CDC42EP3: variants seen among roughly 807,000 people sequenced by gnomAD.
The protein encoded by CDC42EP3 is CDC42 effector protein (Rho GTPase binding) 3.
CDC42EP3 carries 4 observed loss-of-function variants against 15.5 expected under a neutral mutation model. That is an observed-to-expected ratio of 0.26 (90% CI 0.13 to 0.59). The LOEUF is 0.59. Among genes scored for constraint, CDC42EP3 ranks in the 20% least tolerant of loss-of-function variants. CDC42EP3 has a pLI of 0.89. For synonymous variants in CDC42EP3, 145 were observed against 130.3 expected (o/e 1.11, Z -0.77); for missense variants, 309 against 311.2 (o/e 0.99, Z 0.05).
rs1666234233 is a variant in CDC42EP3, at chr2:37,665,918, G to C, written c.-236+5508C>G. 2.0e-5 allele frequency among the ~76,000 whole-genome samples: 3 copies of C among 152,280 alleles called. No individual in the cohort carries two copies. The South Asian group carries it at 6.2e-4, about 32-fold the overall frequency. The stretch of plus-strand genomic sequence containing the variant: ...ATCTCTCACCAAATGCTACGTTTTA[G>C]GGATGAGAACAAGAAAACCCCAAGA... On this transcript the variant is annotated intron_variant, in intron 1 of 1. Coordinates refer to ENST00000295324, the MANE Select transcript of CDC42EP3 (RefSeq NM_006449.5).
intron 1 of CDC42EP3, among the ~76,000 whole-genome samples, chr2:37,652,583 C>A (rs1006141690): frequency 1.1e-4 from 17 of 152,060 alleles, no homozygotes; most frequent in African/African-American, 3.4e-4. Context: ...TTCCTGCAAC[C>A]AAGGGTCAAG....
intron 1 of CDC42EP3, among the ~76,000 whole-genome samples, chr2:37,656,666 G>A (rs537908314): frequency 6.6e-6 from 1 of 152,296 alleles, no homozygotes; most frequent in South Asian, 2.1e-4. Flanking sequence ...GAGGAGCTAG[G>A]ATTCCAGCCA....
chr2:37,661,644 T>A (rs1170619393), intron 1 of CDC42EP3, among the ~76,000 whole-genome samples: 2 of 152,134 alleles, frequency 1.3e-5, no homozygotes, highest in Non-Finnish European at 2.9e-5. Context: ...GCTGGCGTTA[T>A]AAACTGGACG....
intron 1 of CDC42EP3, among the ~76,000 whole-genome samples, chr2:37,666,793 G>A (rs981778342): frequency 2.0e-5 from 3 of 148,038 alleles, no homozygotes; most frequent in African/African-American, 7.5e-5. Context: ...ACTTGGCACT[G>A]AAGTATATCA....
rs375635685 is a variant in CDC42EP3, at chr2:37,670,502, A to T, written c.-236+924T>A. ...GCTCACTTTTTTTTTTTTTTTTTTTAAACAAAATGTAATTACTTGACTGTC... is the reference window on the plus strand; with the variant it reads ...GCTCACTTTTTTTTTTTTTTTTTTTTAACAAAATGTAATTACTTGACTGTC... On this transcript the variant is annotated intron_variant, in intron 1 of 1. Transcript: ENST00000295324. Among the ~76,000 whole-genome samples the T allele has an allele frequency of 6.4e-3, 884 of 137,816 alleles. 10 individuals are homozygous for T. Among genetic ancestry groups the T allele is most frequent in the African/African-American group, 0.023 (807 of 35,850 alleles). The allele number at this position is 137,816 out of a possible 152,430, so 90.4% of individuals were successfully genotyped here.
intron 1 of CDC42EP3, among the ~76,000 whole-genome samples, chr2:37,666,427 C>G (rs537889216): frequency 1.4e-4 from 21 of 152,270 alleles, no homozygotes; most frequent in African/African-American, 5.1e-4. Flanking sequence ...TACCTAATTG[C>G]AGGTGTGTGA....
chr2:37,666,104 T>C (rs1666239346), intron 1 of CDC42EP3, among the ~76,000 whole-genome samples: 1 of 152,206 alleles, frequency 6.6e-6, no homozygotes, highest in Non-Finnish European at 1.5e-5. Context: ...ATCGCTCTCT[T>C]CCTGTAACGC....
chr2:37,657,094 C>A lies in CDC42EP3; in HGVS notation c.-235-10272G>T, dbSNP rs547350540. Reference sequence around the variant, plus strand: ...TTTCCCAGAGGAAGCCCATTGCATGCGACAGTGAACAATCACAGGCTTTCA... The same window carrying A: ...TTTCCCAGAGGAAGCCCATTGCATGAGACAGTGAACAATCACAGGCTTTCA... On this transcript the variant is annotated intron_variant, in intron 1 of 1. Transcript: ENST00000295324. Among the ~76,000 whole-genome samples the A allele has an allele frequency of 3.2e-4, 47 of 149,096 alleles. 1 individual carries two copies. In the South Asian group the frequency reaches 4.9e-3, roughly 15 times the overall value.
intron 1 of CDC42EP3, among the ~76,000 whole-genome samples, chr2:37,657,506 AT>A (rs1349966830): frequency 6.6e-6 from 1 of 152,178 alleles, no homozygotes; most frequent in Non-Finnish European, 1.5e-5. Context: ...CCTCCTTTTT[AT>A]GCTGAATCAC....
In CDC42EP3 at chr2:37,642,521, G is replaced by C. The variant is rs1320782818; in HGVS notation, c.*3302C>G. 6.6e-6 allele frequency: 1 copy of C among 152,180 alleles called. No individual in the cohort carries two copies. The highest frequency in any genetic ancestry group is 1.5e-5 in the Non-Finnish European group (1 of 68,024). 9.4% of individuals were successfully genotyped at this position (152,180 alleles called of 1,614,324 possible). On this transcript the variant is annotated 3_prime_UTR_variant, in exon 2 of 2. Transcript: ENST00000295324. ...GGATTTTATGAGAATTGCTAGATTTGGGGCTAGGTTAACCTCATTTCCAAA... is the reference window on the plus strand; with the variant it reads ...GGATTTTATGAGAATTGCTAGATTTCGGGCTAGGTTAACCTCATTTCCAAA...
chr2:37,667,382 T>A (rs897504887), intron 1 of CDC42EP3, among the ~76,000 whole-genome samples: 5 of 152,146 alleles, frequency 3.3e-5, no homozygotes, highest in African/African-American at 1.2e-4. Context: ...AAGGAGGGGA[T>A]TGTCCACAGG....
At chr2:37,672,791 T>G (rs1666476209), upstream of CDC42EP3, among the ~76,000 whole-genome samples, 1 of 152,084 alleles carries the variant, frequency 6.6e-6, no homozygotes, top group Non-Finnish European at 1.5e-5. Context: ...TCGGGTTGGA[T>G]GGAAATCCTG....
chr2:37,651,966 G>A (rs1157588661), intron 1 of CDC42EP3, among the ~76,000 whole-genome samples: 1 of 151,974 alleles, frequency 6.6e-6, no homozygotes, highest in South Asian at 2.1e-4. Context: ...ACAAGATCAG[G>A]AGATAAAGAC....
At chr2:37,658,532 C>T (rs1665955488) in intron 1 of CDC42EP3, among the ~76,000 whole-genome samples, 2 of 152,174 alleles carry the variant, frequency 1.3e-5, no homozygotes, top group African/African-American at 4.8e-5. Context: ...TACTTTGCTT[C>T]CCTTGTCCCA....
intron 1 of CDC42EP3, among the ~76,000 whole-genome samples, chr2:37,657,852 T>C (rs1016050913): frequency 2.6e-5 from 4 of 152,184 alleles, no homozygotes; most frequent in African/African-American, 9.7e-5. Flanking sequence ...GGAATGCTGC[T>C]AAACATCCTA....
At chr2:37,656,765 G>A (rs573514552) in intron 1 of CDC42EP3, among the ~76,000 whole-genome samples, 5 of 152,094 alleles carry the variant, frequency 3.3e-5, no homozygotes, top group Non-Finnish European at 5.9e-5. Flanking sequence ...AGCACCAAGA[G>A]GAAATGACAC....
intron 1 of CDC42EP3, among the ~76,000 whole-genome samples, chr2:37,652,790 T>A (rs1047025215): frequency 6.6e-6 from 1 of 152,030 alleles, no homozygotes; most frequent in Non-Finnish European, 1.5e-5. Flanking sequence ...CCCAGGCTGG[T>A]CTTGAACTCC....
intron 1 of CDC42EP3, among the ~76,000 whole-genome samples, chr2:37,648,481 A>T (rs1572507250): frequency 6.6e-6 from 1 of 152,204 alleles, no homozygotes; most frequent in Non-Finnish European, 1.5e-5. Context: ...GTAACAGCTA[A>T]CTCAATTTGG....
chr2:37,664,183 C>T (rs898680674), intron 1 of CDC42EP3, among the ~76,000 whole-genome samples: 7 of 152,006 alleles, frequency 4.6e-5, no homozygotes, highest in African/African-American at 1.7e-4. Flanking sequence ...CAAAACAAAA[C>T]AAAACAAAAC....
Sources: gnomAD v4.1 joint callset for allele counts (sites outside exome capture counted in the v4.1 genomes callset) on GRCh38, gnomAD v4.1.1 for gene constraint, MANE v1.5 for transcripts, NCBI Gene and HGNC (gene_info 2026-07-23, HGNC 2026-07-21) for gene names.